CYLD: variants seen among roughly 807,000 people sequenced by gnomAD.
CYLD encodes CYLD lysine 63 deubiquitinase.
Under a neutral mutation model 104.5 loss-of-function variants are expected in CYLD, and 26 were observed. The ratio of observed to expected loss-of-function variants is 0.25; its 90% CI spans 0.18 to 0.35. CYLD has a LOEUF of 0.35. CYLD is among the 10% of genes least tolerant of loss of function. The pLI is 1.00. For missense variants in CYLD, 703 were observed against 1,136.1 expected (o/e 0.62, Z 5.48); for synonymous variants, 385 against 399.9 (o/e 0.96, Z 0.45).
chr16:50,771,825 A>G (rs977245140), intron 5 of CYLD, among the ~76,000 whole-genome samples: 1 of 152,052 alleles, frequency 6.6e-6, no homozygotes, highest in African/African-American at 2.4e-5. Context: ...TCTTTCTTCC[A>G]TTGAATTATT....
chr16:50,754,017 T>G (rs867050494), intron 4 of CYLD, among the ~76,000 whole-genome samples: 1 of 152,214 alleles, frequency 6.6e-6, no homozygotes, highest in Admixed American at 6.5e-5. Context: ...TCCTACAGAT[T>G]AGTATTTATT....
At chr16:50,742,971 C>T (rs1965852766) in intron 2 of CYLD, 130 bp downstream of exon 2, 1 of 395,830 alleles carries the variant, frequency 2.5e-6, no homozygotes, top group Admixed American at 4.4e-5. Context: ...GGTCAGCTGC[C>T]GGTTATTCAT....
intron 11 of CYLD, 77 bp downstream of exon 11, chr16:50,782,543 C>CGTG: frequency 2.5e-6 from 3 of 1,221,598 alleles, no homozygotes; most frequent in Non-Finnish European, 3.5e-6. Flanking sequence ...TGTGTGTGTG[C>CGTG]GTGTGAGTGT....
chr16:50,746,122 C>T (rs1044496024), intron 2 of CYLD, among the ~76,000 whole-genome samples: 5 of 152,156 alleles, frequency 3.3e-5, no homozygotes, highest in African/African-American at 9.7e-5. Flanking sequence ...GCTGCAGTCC[C>T]TCCCTCCAGG....
rs548711559 is a variant in CYLD at position 50,754,937 on chromosome 16, GTA to G, written c.913+520_913+521del. On this transcript the variant is annotated intron_variant, in intron 5 of 18. Coordinates refer to ENST00000427738, the MANE Select transcript of CYLD (RefSeq NM_001378743.1). ...TATGTATACATATATACACACATAT[GTA>G]TATATACACACATATATACATATAC... Among the ~76,000 whole-genome samples the G allele has an allele frequency of 4.5e-4, 64 of 142,578 alleles. 1 individual carries two copies. The highest frequency in any genetic ancestry group is 4.2e-3 in the South Asian group (19 of 4,476). The allele number at this position is 142,578 out of a possible 152,430, so 93.5% of individuals were successfully genotyped here. A position where few individuals can be genotyped will look rare whatever the true frequency, so the allele number is the denominator to read the frequency against.
chr16:50,784,451 T>A lies in CYLD; in HGVS notation c.1949T>A (p.Ile650Lys), dbSNP rs773205473. The A allele has an allele frequency of 1.9e-6, 3 of 1,612,510 alleles. No individual in the cohort carries two copies. The highest frequency in any genetic ancestry group is 1.7e-5 in the Admixed American group (1 of 60,002). ...ACAGAAATTGTTAATCCTCTGAGAA[T>A]GTAAGTAGAAAACAAATTGCTATTT... Reference protein sequence around the residue: ...LRTEIVNPLRIYGYVCATKIM... With the variant: ...LRTEIVNPLRKYGYVCATKIM... Residue 650 changes from isoleucine (I) to lysine (K), a missense_variant and splice_region_variant, in exon 12 of 19, where the codon ATA becomes AAA. This residue lies in a region of CYLD where 125 missense variants were observed against 325.4 expected (regional missense o/e 0.38). Coordinates refer to ENST00000427738, the MANE Select transcript of CYLD (RefSeq NM_001378743.1).
At chr16:50,754,248 T>A in intron 4 of CYLD, 71 bp from the exon 5 acceptor site, 2 of 1,017,288 alleles carry the variant, frequency 2.0e-6, no homozygotes, top group Non-Finnish European at 1.5e-6. Context: ...GAGGATTCTT[T>A]ATGGAAAATA....
In CYLD at chr16:50,776,262, A is replaced by G; in HGVS notation, c.1006A>G (p.Lys336Glu). The change falls in exon 7 of 19, where the codon AAA (lysine) becomes GAA (glutamate). Residue 336 changes from lysine to glutamate, a missense_variant. By Grantham distance (56) the Lys-to-Glu change is moderately conservative (BLOSUM62 1). Transcript: ENST00000427738. ...VGDKGSSSHN[K>E]PKATGSTSDP... ...GGACAAAGGTTCATCCAGTCATAAT[A>G]AACCAAAGGCTACAGGTATGGATTA... 6.2e-7 allele frequency: 1 copy of G among 1,612,824 alleles called. No homozygotes were observed. The highest frequency in any genetic ancestry group is 8.5e-7 in the Non-Finnish European group (1 of 1,178,948).
chr16:50,796,597 C>G lies in CYLD; in HGVS notation c.*89C>G. 1 of 1,312,844 alleles carries G rather than the reference C, an allele frequency of 7.6e-7. No homozygotes were observed. Among genetic ancestry groups the G allele is most frequent in the Non-Finnish European group, 1.1e-6 (1 of 920,164 alleles). The allele number at this position is 1,312,844 out of a possible 1,614,324, so 81.3% of individuals were successfully genotyped here. A position where few individuals can be genotyped will look rare whatever the true frequency, so the allele number is the denominator to read the frequency against. ...CTGGCAGTTCTGTTCACGTCCATTGCCGGCAATGGATGTCTTTGTGGTGAT... is the reference window on the plus strand; with the variant it reads ...CTGGCAGTTCTGTTCACGTCCATTGGCGGCAATGGATGTCTTTGTGGTGAT... On this transcript the variant is annotated 3_prime_UTR_variant, in exon 19 of 19. Coordinates refer to ENST00000427738, the MANE Select transcript of CYLD (RefSeq NM_001378743.1).
chr16:50,789,152 G>C (rs1971166822), intron 14 of CYLD, among the ~76,000 whole-genome samples: 1 of 152,158 alleles, frequency 6.6e-6, no homozygotes, highest in Non-Finnish European at 1.5e-5. Flanking sequence ...CATATGATTA[G>C]AAATATGGAT....
intron 5 of CYLD, among the ~76,000 whole-genome samples, chr16:50,755,106 C>G (rs978914793): frequency 4.8e-5 from 2 of 41,382 alleles, no homozygotes; most frequent in African/African-American, 3.3e-4. Flanking sequence ...TACATATATA[C>G]ACACATATAC....
chr16:50,765,921 T>C (rs1170704056), intron 5 of CYLD, among the ~76,000 whole-genome samples: 1 of 152,196 alleles, frequency 6.6e-6, no homozygotes, highest in Non-Finnish European at 1.5e-5. Flanking sequence ...TCATAAACTT[T>C]AAGGAAAGAT....
rs1428811087 is a variant in CYLD, at chr16:50,787,908, T to C, written c.2108+56T>C. 4 of 1,005,498 alleles carry C rather than the reference T, an allele frequency of 4.0e-6. No homozygotes were observed. In the Admixed American group the frequency reaches 8.0e-5, roughly 20 times the overall value. 62.3% of individuals were successfully genotyped at this position (1,005,498 alleles called of 1,614,324 possible). On this transcript the variant is annotated intron_variant, in intron 14 of 18. Coordinates refer to ENST00000427738, the MANE Select transcript of CYLD (RefSeq NM_001378743.1). ...AAAAATAGACAATTCTCATTTCTAC[T>C]GCCATTATTCAACAGACATGATTTC...
At chr16:50,764,666 A>AT (rs1378937218) in intron 5 of CYLD, among the ~76,000 whole-genome samples, 1 of 152,112 alleles carries the variant, frequency 6.6e-6, no homozygotes, top group Non-Finnish European at 1.5e-5. Context: ...TAACTAGTGC[A>AT]TTTTTTAGGT....
chr16:50,743,776 A>C (rs1458198524), intron 2 of CYLD, among the ~76,000 whole-genome samples: 1 of 152,212 alleles, frequency 6.6e-6, no homozygotes, highest in Non-Finnish European at 1.5e-5. Flanking sequence ...ATAAACCTCA[A>C]AACAACTTGG....
rs1249355912 is a variant in CYLD at position 50,799,010 on chromosome 16, T to G, written c.*2502T>G. On this transcript the variant is annotated 3_prime_UTR_variant, in exon 19 of 19. Transcript: ENST00000427738. The stretch of plus-strand genomic sequence containing the variant: ...CCCTCTGGGTAGCCCCCTACTGTTC[T>G]GTGCTTCAGCACAGCCTGGTTTGTC... The G allele has an allele frequency of 3.0e-5, 7 of 233,364 alleles. No homozygotes were observed. Among genetic ancestry groups the G allele is most frequent in the East Asian group, 3.0e-4 (5 of 16,740 alleles). 14.5% of individuals were successfully genotyped at this position (233,364 alleles called of 1,614,324 possible). A position where few individuals can be genotyped will look rare whatever the true frequency, so the allele number is the denominator to read the frequency against.
rs1025572559 is a variant in CYLD at position 50,794,946 on chromosome 16, A to G, written c.2686+518A>G. The G allele has an allele frequency of 5.9e-6, 1 of 168,956 alleles. No homozygotes were observed. Among genetic ancestry groups the G allele is most frequent in the Non-Finnish European group, 1.3e-5 (1 of 77,946 alleles). The allele number at this position is 168,956 out of a possible 1,614,324, so 10.5% of individuals were successfully genotyped here. Reference sequence around the variant, plus strand: ...CATATTGTGATATTTTGACATGCATATGCTCTTTTTTTAAAAAAAAGAATC... The same window carrying G: ...CATATTGTGATATTTTGACATGCATGTGCTCTTTTTTTAAAAAAAAGAATC... On this transcript the variant is annotated intron_variant, in intron 18 of 18. Transcript: ENST00000427738. The surrounding 1 kb of genome is among the most constrained non-coding windows in gnomAD (Gnocchi z 4.1).
intron 5 of CYLD, among the ~76,000 whole-genome samples, chr16:50,765,142 T>A (rs1378737015): frequency 1.3e-5 from 2 of 152,234 alleles, no homozygotes; most frequent in African/African-American, 4.8e-5. Context: ...CACAGATATG[T>A]GTTTTTTATT....
chr16:50,761,538 A>T (rs531321024), intron 5 of CYLD, among the ~76,000 whole-genome samples: 1 of 152,298 alleles, frequency 6.6e-6, no homozygotes, highest in African/African-American at 2.4e-5. Context: ...ATATTAGTGG[A>T]ATCATACATA....
Sources: allele counts gnomAD v4.1 joint callset (sites outside exome capture counted in the v4.1 genomes callset), GRCh38; gene constraint gnomAD v4.1.1; regional missense constraint gnomAD v4.1.1; non-coding constraint Gnocchi (gnomAD v3.1); transcripts MANE v1.5; gene names NCBI Gene and HGNC (gene_info 2026-07-23, HGNC 2026-07-21).